TRPM3: variants seen among roughly 807,000 people sequenced by gnomAD.
The protein encoded by TRPM3 is long transient receptor potential channel 3.
In TRPM3, 77 loss-of-function variants were observed where a neutral mutation model predicts 181.2. That is an observed-to-expected ratio of 0.42 (90% CI 0.35 to 0.51). TRPM3 has a LOEUF of 0.51. Among genes scored for constraint, TRPM3 ranks in the 20% least tolerant of loss-of-function variants. TRPM3 has a pLI of 0.01. For missense variants in TRPM3, 1,759 were observed against 2,196.7 expected (o/e 0.80, Z 3.98); for synonymous variants, 745 against 796.4 (o/e 0.94, Z 1.09).
intron 1 of TRPM3, among the ~76,000 whole-genome samples, chr9:71,165,230 A>C (rs983656818): frequency 1.3e-5 from 2 of 152,178 alleles, no homozygotes; most frequent in Non-Finnish European, 2.9e-5. Context: ...CAATAATATC[A>C]ACCTCATAGG....
At chr9:71,393,512 A>G (rs1389178360) in intron 1 of TRPM3, among the ~76,000 whole-genome samples, 1 of 152,146 alleles carries the variant, frequency 6.6e-6, no homozygotes, top group Non-Finnish European at 1.5e-5. Flanking sequence ...CAGAAAGATG[A>G]AAACACCTGA....
At chr9:70,640,719 C>T (rs1485255802) in intron 9 of TRPM3, 59 bp from the exon 10 acceptor site, 57 of 1,357,202 alleles carry the variant, frequency 4.2e-5, no homozygotes, top group Non-Finnish European at 2.1e-6. Flanking sequence ...TCAGTTATTA[C>T]ACCAAGAGCG....
At chr9:71,166,475 A>G (rs529072498) in intron 1 of TRPM3, among the ~76,000 whole-genome samples, 1 of 152,194 alleles carries the variant, frequency 6.6e-6, no homozygotes, top group Non-Finnish European at 1.5e-5. Flanking sequence ...TACTGTCACC[A>G]AAGTCCAAGC....
intron 1 of TRPM3, among the ~76,000 whole-genome samples, chr9:71,286,990 T>A (rs957464142): frequency 1.7e-4 from 24 of 138,786 alleles, no homozygotes; most frequent in African/African-American, 6.5e-4. Flanking sequence ...ATTATATAAT[T>A]ATATTATATA....
At chr9:71,163,933 T>C (rs2134728960) in intron 1 of TRPM3, among the ~76,000 whole-genome samples, 1 of 152,308 alleles carries the variant, frequency 6.6e-6, no homozygotes, top group South Asian at 2.1e-4. Flanking sequence ...CCACTGGATT[T>C]GGCCACATGG....
chr9:70,774,241 CTCT>C (rs2080910232), intron 7 of TRPM3: 1 of 153,950 alleles, frequency 6.5e-6, no homozygotes, highest in Admixed American at 6.5e-5. Context: ...CCAACCCCTC[CTCT>C]TCTTCCTCCT....
At chr9:70,921,100 C>T (rs72729788) in intron 1 of TRPM3, among the ~76,000 whole-genome samples, 4,665 of 152,244 alleles carry the variant, frequency 0.031, 99 homozygotes, top group Middle Eastern at 0.048. Flanking sequence ...ATTCATTTAT[C>T]TCATGCTCAC....
intron 1 of TRPM3, among the ~76,000 whole-genome samples, chr9:71,432,323 C>CTT (rs67905820): frequency 0.022 from 1,641 of 76,300 alleles, 61 homozygotes; most frequent in African/African-American, 0.06. Context: ...AAAAGTAGGA[C>CTT]TTTTTTTTTT....
intron 1 of TRPM3, among the ~76,000 whole-genome samples, chr9:71,040,243 CTTTATAAAAATAGTTTATTGCAA>C (rs1475766366): frequency 6.6e-6 from 1 of 152,104 alleles, no homozygotes; most frequent in African/African-American, 2.4e-5. Flanking sequence ...AGCTGGAATT[CTTTATAAAAATAGTTTATTGCAA>C]AGCACATACT....
chr9:71,245,349 CAGG>C (rs1253914034), intron 1 of TRPM3, among the ~76,000 whole-genome samples: 2 of 150,282 alleles, frequency 1.3e-5, no homozygotes, highest in African/African-American at 4.9e-5. Flanking sequence ...GAGGCTGAGA[CAGG>C]AGAATAGCTT....
At chr9:71,353,510 C>T (rs2091758065) in intron 1 of TRPM3, among the ~76,000 whole-genome samples, 1 of 152,168 alleles carries the variant, frequency 6.6e-6, no homozygotes, top group Non-Finnish European at 1.5e-5. Flanking sequence ...GGGCAATCAA[C>T]AGTCAGGGCA....
chr9:71,069,855 G>C (rs558716026), intron 1 of TRPM3, among the ~76,000 whole-genome samples: 1 of 151,860 alleles, frequency 6.6e-6, no homozygotes, highest in African/African-American at 2.4e-5. Flanking sequence ...TGCTCCACCC[G>C]CCTCGGCCTC....
At chr9:71,007,700 C>G (rs1166634445) in intron 1 of TRPM3, among the ~76,000 whole-genome samples, 1 of 152,018 alleles carries the variant, frequency 6.6e-6, no homozygotes, top group Non-Finnish European at 1.5e-5. Context: ...AGATCAAATA[C>G]TTTTGCTGTA....
intron 9 of TRPM3, among the ~76,000 whole-genome samples, chr9:70,652,963 A>C (rs1260592591): frequency 1.3e-5 from 2 of 152,148 alleles, no homozygotes; most frequent in Admixed American, 1.3e-4. Context: ...GTTAGATGCT[A>C]CCTTGCAGGG....
chr9:70,684,680 A>G (rs2066323828), intron 8 of TRPM3, among the ~76,000 whole-genome samples: 1 of 152,246 alleles, frequency 6.6e-6, no homozygotes, highest in African/African-American at 2.4e-5. Context: ...GTATTCTTAA[A>G]TATTCTTGGA....
intron 1 of TRPM3, among the ~76,000 whole-genome samples, chr9:71,358,827 T>C (rs1045937953): frequency 1.6e-4 from 25 of 152,202 alleles, no homozygotes; most frequent in South Asian, 2.1e-4. Context: ...GTTTTATCCG[T>C]CTGGTTATCA....
intron 1 of TRPM3, among the ~76,000 whole-genome samples, chr9:70,868,129 C>T (rs1262107798): frequency 6.6e-6 from 1 of 152,022 alleles, no homozygotes; most frequent in Non-Finnish European, 1.5e-5. Context: ...AAGATGGCTT[C>T]TATGGCCCCC....
At chr9:71,308,167 C>T (rs2087556829) in intron 1 of TRPM3, among the ~76,000 whole-genome samples, 1 of 151,822 alleles carries the variant, frequency 6.6e-6, no homozygotes, top group South Asian at 2.1e-4. Context: ...AGCCACCACA[C>T]CTGGCAATGT....
intron 1 of TRPM3, among the ~76,000 whole-genome samples, chr9:71,008,203 C>T (rs1204914727): frequency 6.6e-6 from 1 of 151,790 alleles, no homozygotes; most frequent in Non-Finnish European, 1.5e-5. Context: ...ATACAACCTA[C>T]CAAGATTAAA....
Sources: gnomAD v4.1 joint callset for allele counts (sites outside exome capture counted in the v4.1 genomes callset) on GRCh38, gnomAD v4.1.1 for gene constraint, MANE v1.5 for transcripts, NCBI Gene and HGNC (gene_info 2026-07-23, HGNC 2026-07-21) for gene names.